The following UPF3A variants were observed in gnomAD, a reference collection of about 807,000 sequenced individuals.
The protein encoded by UPF3A is regulator of nonsense transcripts 3A.
Under a neutral mutation model 53.5 loss-of-function variants are expected in UPF3A, and 42 were observed. The observed-to-expected ratio is 0.78, with a 90% confidence interval of 0.61 to 1.01. The LOEUF is 1.01. UPF3A is among the 50% of genes least tolerant of loss of function. UPF3A has a pLI of 0.00. For missense variants in UPF3A, 575 were observed against 598.0 expected, an observed-to-expected ratio of 0.96 and a Z score of 0.40; for synonymous variants, 237 against 225.3, an observed-to-expected ratio of 1.05 and a Z score of -0.47.
At chr13:114,293,651 T>C (rs1010205243) in intron 7 of UPF3A, among the ~76,000 whole-genome samples, 7 of 152,164 alleles carry the variant, frequency 4.6e-5, no homozygotes, top group Non-Finnish European at 8.8e-5. Flanking sequence ...AACCTAGATT[T>C]GAACCTAAGG....
chr13:114,291,389 A>G, intron 5 of UPF3A, 100 bp from the exon 6 acceptor site: 2 of 1,146,448 alleles, frequency 1.7e-6, no homozygotes, highest in South Asian at 1.8e-5. Flanking sequence ...AAGTAATGAT[A>G]TGGTTCCCGT....
rs761078168 is a variant in UPF3A at position 114,301,935 on chromosome 13, C to T, written c.1212C>T (p.Ser404=). Residue 404 remains serine, a synonymous_variant, in exon 9 of 10, where the codon AGC becomes AGT. Coordinates refer to ENST00000375299, the MANE Select transcript of UPF3A (RefSeq NM_023011.4). The part of the protein sequence containing the change: ...QDRGKKGSQD[S]GAPGEAMERL... ...GAGGGAAGAAGGGGAGCCAGGACAG[C>T]GGGGCTCCGGGGGAGGCCATGGAGA... The T allele has an allele frequency of 9.3e-6, 15 of 1,609,882 alleles. No homozygotes were observed. Among genetic ancestry groups the T allele is most frequent in the Admixed American group, 3.4e-5 (2 of 59,244 alleles).
chr13:114,297,834 A>T (rs9590508), intron 7 of UPF3A, among the ~76,000 whole-genome samples: 10,868 of 152,182 alleles, frequency 0.071, 831 homozygotes, highest in African/African-American at 0.19. Flanking sequence ...GTCTCAAAAA[A>T]AACAACAAAC....
At chr13:114,290,043 G>A (rs1271104022) in intron 5 of UPF3A, among the ~76,000 whole-genome samples, 1 of 152,122 alleles carries the variant, frequency 6.6e-6, no homozygotes, top group Non-Finnish European at 1.5e-5. Context: ...ATTACAAAGA[G>A]CTGACCATTT....
chr13:114,282,351 G>A (rs1280380295), intron 2 of UPF3A: 1 of 1,051,812 alleles, frequency 9.5e-7, no homozygotes, highest in Admixed American at 3.7e-5. Flanking sequence ...ATGATTTTCA[G>A]ACGGCTAACG....
chr13:114,293,830 C>T (rs1309909000), intron 7 of UPF3A, among the ~76,000 whole-genome samples: 2 of 152,120 alleles, frequency 1.3e-5, no homozygotes, highest in African/African-American at 4.8e-5. Context: ...CAGTCAAAAA[C>T]AGAAAAGTTG....
At chr13:114,294,928 C>A (rs565752343) in intron 7 of UPF3A, among the ~76,000 whole-genome samples, 1 of 151,368 alleles carries the variant, frequency 6.6e-6, no homozygotes. Context: ...CTGGCTAACA[C>A]GGTGAAACCC....
chr13:114,292,578 C>T (rs536177873), intron 7 of UPF3A, among the ~76,000 whole-genome samples: 2 of 149,930 alleles, frequency 1.3e-5, no homozygotes, highest in Non-Finnish European at 3.0e-5. Context: ...AAGGCGTACA[C>T]GTGCAGGTGT....
rs562759987 is a variant in UPF3A, at chr13:114,282,725, C to G, written c.315-112C>G. 4.0e-6 allele frequency: 6 copies of G among 1,501,824 alleles called. No individual in the cohort carries two copies. In the African/African-American group the frequency reaches 5.7e-5, roughly 14 times the overall value. 93.0% of individuals were successfully genotyped at this position (1,501,824 alleles called of 1,614,324 possible). A position where few individuals can be genotyped will look rare whatever the true frequency, so the allele number is the denominator to read the frequency against. ...GTTACAATTAACTGAGATGATTTGG[C>G]ACAAAAGTTTTATCTAAAGTAGTTT... is the stretch of plus-strand genomic sequence containing the variant. On this transcript the variant is annotated intron_variant, in intron 2 of 9. Coordinates refer to ENST00000375299, the MANE Select transcript of UPF3A (RefSeq NM_023011.4).
rs1176211532 is a variant in UPF3A, at chr13:114,296,254, A to G, written c.847-2586A>G. Among the ~76,000 whole-genome samples, 3 of 152,190 alleles carry G rather than the reference A, an allele frequency of 2.0e-5. No individual in the cohort carries two copies. In the East Asian group the frequency reaches 5.8e-4, roughly 29 times the overall value. ...AAAAATTAGCCAGGCATGGTGGCGC[A>G]TGCCTGTAGTCCCAGTTACTCAGGA... On this transcript the variant is annotated intron_variant, in intron 7 of 9. Coordinates refer to ENST00000375299, the MANE Select transcript of UPF3A (RefSeq NM_023011.4).
intron 3 of UPF3A, chr13:114,283,705 T>A: frequency 3.1e-6 from 3 of 965,992 alleles, no homozygotes; most frequent in Non-Finnish European, 3.7e-6. Context: ...GAGACAGCAG[T>A]CTTCAACTCT....
In UPF3A at chr13:114,284,789, AGTC is replaced by A. The variant is rs371114031; in HGVS notation, c.422-1509_422-1507del. ...TCCCACCTGTAGTGAGCAAGGGGCC[AGTC>A]GTCCTTGTTTCCGGTTATCTTTGTT... On this transcript the variant is annotated intron_variant, in intron 3 of 9. Transcript: ENST00000375299. 2.5e-3 allele frequency among the ~76,000 whole-genome samples: 373 copies of A among 152,132 alleles called. 1 individual carries two copies. The highest frequency in any genetic ancestry group is 8.8e-3 in the African/African-American group (365 of 41,506).
intron 8 of UPF3A, among the ~76,000 whole-genome samples, chr13:114,301,443 A>G (rs1473936449): frequency 6.6e-6 from 1 of 151,648 alleles, no homozygotes; most frequent in Non-Finnish European, 1.5e-5. Flanking sequence ...AGCCTGGGCA[A>G]CAGAGCGAGA....
chr13:114,281,756 G>C lies in UPF3A; in HGVS notation c.117G>C (p.Gln39His). 1.3e-6 allele frequency: 2 copies of C among 1,557,686 alleles called. No homozygotes were observed. Among genetic ancestry groups the C allele is most frequent in the Non-Finnish European group, 8.7e-7 (1 of 1,151,610 alleles). Residue 39 changes from glutamine to histidine, a missense_variant, in exon 1 of 10, where the codon CAG becomes CAC. Coordinates refer to ENST00000375299, the MANE Select transcript of UPF3A (RefSeq NM_023011.4). ...LEVQFHRDSQ[Q>H]QEAETPPTSS... Reference sequence around the variant, plus strand: ...TGCAGTTCCACCGCGACTCGCAGCAGCAGGAGGCTGAGACGCCGCCAACTT... The same window carrying C: ...TGCAGTTCCACCGCGACTCGCAGCACCAGGAGGCTGAGACGCCGCCAACTT...
intron 8 of UPF3A, 76 bp downstream of exon 8, chr13:114,299,076 C>G: frequency 7.3e-7 from 1 of 1,372,630 alleles, no homozygotes; most frequent in Non-Finnish European, 9.6e-7. Context: ...ATGAGTATGC[C>G]TATTTCACAC....
intron 5 of UPF3A, 121 bp from the exon 6 acceptor site, chr13:114,291,368 G>A (rs1377061003): frequency 3.0e-6 from 3 of 994,530 alleles, no homozygotes; most frequent in East Asian, 5.6e-5. Flanking sequence ...GAGACAGTGT[G>A]TAAATTTAAA....
At chr13:114,290,589 A>AC (rs1249463690) in intron 5 of UPF3A, among the ~76,000 whole-genome samples, 1 of 152,212 alleles carries the variant, frequency 6.6e-6, no homozygotes, top group East Asian at 1.9e-4. Context: ...CTGGGCACCC[A>AC]CATCCAGGTC....
Position 114,289,917 on chromosome 13 carries a change from G to A in UPF3A, c.632-1572G>A, listed in dbSNP as rs1008916250. On this transcript the variant is annotated intron_variant, in intron 5 of 9. Transcript: ENST00000375299. ...TATAGGAAGAGGAAGGTGGGCAAGC[G>A]GAGTCTGGGGTCAGCCTCCCCACAC... Among the ~76,000 whole-genome samples, 8 of 152,322 alleles carry A rather than the reference G, an allele frequency of 5.3e-5. No homozygotes were observed. In the East Asian group the frequency reaches 1.3e-3, roughly 26 times the overall value.
intron 5 of UPF3A, among the ~76,000 whole-genome samples, chr13:114,290,224 G>T (rs543740557): frequency 6.6e-6 from 1 of 152,074 alleles, no homozygotes; most frequent in African/African-American, 2.4e-5. Flanking sequence ...TGGGACAATC[G>T]GCTCTTCCCT....
Sources: allele counts gnomAD v4.1 joint callset (sites outside exome capture counted in the v4.1 genomes callset), GRCh38; gene constraint gnomAD v4.1.1; transcripts MANE v1.5; gene names NCBI Gene and HGNC (gene_info 2026-07-23, HGNC 2026-07-21).